Variants in PTPRN2 observed in about 807,000 individuals in gnomAD.
The protein encoded by PTPRN2 is receptor-type tyrosine-protein phosphatase N2.
PTPRN2 carries 74 observed loss-of-function variants against 118.8 expected under a neutral mutation model. The ratio of observed to expected loss-of-function variants is 0.62; its 90% CI spans 0.52 to 0.76. The LOEUF is 0.76. Ranked by LOEUF, PTPRN2 falls within the 30% of genes least tolerant of loss-of-function variation. The probability of loss-of-function intolerance (pLI) is 0.00; values close to 1 mark genes in which losing one functional copy is unlikely to be tolerated. For missense variants in PTPRN2, 1,481 were observed against 1,394.4 expected (o/e 1.06, Z -0.99); for synonymous variants, 641 against 608.0 (o/e 1.05, Z -0.80).
chr7:158,341,946 G>A (rs1162737848), intron 2 of PTPRN2, among the ~76,000 whole-genome samples: 2 of 82,690 alleles, frequency 2.4e-5, no homozygotes, highest in Admixed American at 1.3e-4. Context: ...CTCACCATAA[G>A]AGCTGTCGCC....
At chr7:157,798,030 G>A (rs1261554986) in intron 12 of PTPRN2, among the ~76,000 whole-genome samples, 1 of 152,124 alleles carries the variant, frequency 6.6e-6, no homozygotes, top group Non-Finnish European at 1.5e-5. Context: ...AGGCTGAGGC[G>A]GGTGGATCAC....
chr7:158,475,276 G>A lies in PTPRN2; in HGVS notation c.163+14459C>T, dbSNP rs547679564. ...CTCCCCGGCTTCCCCTGTCTAGGGA[G>A]GCCCCGAAGGGCCCTGAGGACTCCC... On this transcript the variant is annotated intron_variant, in intron 2 of 22. Coordinates refer to ENST00000389418, the MANE Select transcript of PTPRN2 (RefSeq NM_002847.5). Among the ~76,000 whole-genome samples the A allele has an allele frequency of 2.1e-5, 3 of 141,406 alleles. No individual in the cohort carries two copies. The South Asian group carries it at 6.9e-4, about 32-fold the overall frequency. The allele number at this position is 141,406 out of a possible 152,430, so 92.8% of individuals were successfully genotyped here. A position where few individuals can be genotyped will look rare whatever the true frequency, so the allele number is the denominator to read the frequency against.
intron 12 of PTPRN2, among the ~76,000 whole-genome samples, chr7:157,812,318 C>T (rs1020399669): frequency 1.3e-5 from 2 of 152,154 alleles, no homozygotes; most frequent in African/African-American, 2.4e-5. Flanking sequence ...GTTCCGCTGC[C>T]CTTCCTGGGG....
At chr7:158,316,477 T>C (rs1430372949) in intron 3 of PTPRN2, among the ~76,000 whole-genome samples, 1 of 152,184 alleles carries the variant, frequency 6.6e-6, no homozygotes, top group African/African-American at 2.4e-5. Context: ...CAGAGGCTGA[T>C]TCTCTCCAGG....
At chr7:158,471,440 A>C (rs1468564962) in intron 2 of PTPRN2, among the ~76,000 whole-genome samples, 3 of 152,232 alleles carry the variant, frequency 2.0e-5, no homozygotes, top group African/African-American at 7.2e-5. Context: ...CTGTAATCCC[A>C]GCACTTTGGG....
At chr7:157,781,852 C>G (rs901604506) in intron 12 of PTPRN2, among the ~76,000 whole-genome samples, 7 of 152,258 alleles carry the variant, frequency 4.6e-5, no homozygotes, top group Non-Finnish European at 8.8e-5. Flanking sequence ...TGTGGCAAAC[C>G]ACACCCCACT....
At position 157,583,547 on chromosome 7, in the gene PTPRN2, C is replaced by T. The variant is rs900878742; in HGVS notation, c.2497-5407G>A. ...CTGTGGTCATCATTCACGATGTCTG[C>T]GTGTGTCAGAACATCAGGCTGTACA... On this transcript the variant is annotated intron_variant, in intron 17 of 22. Coordinates refer to ENST00000389418, the MANE Select transcript of PTPRN2 (RefSeq NM_002847.5). This position sits in a 1 kb window ranked among gnomAD's most constrained non-coding sequence, Gnocchi z 5.5. 2.6e-5 allele frequency among the ~76,000 whole-genome samples: 4 copies of T among 152,044 alleles called. No homozygotes were observed. Among genetic ancestry groups the T allele is most frequent in the Non-Finnish European group, 5.9e-5 (4 of 68,004 alleles).
chr7:157,887,009 C>G (rs78234584), intron 12 of PTPRN2, among the ~76,000 whole-genome samples: 2 of 127,942 alleles, frequency 1.6e-5, no homozygotes, highest in South Asian at 2.7e-4. Flanking sequence ...CCTTGTCACA[C>G]AGCCAAGCCC....
At chr7:158,424,902 G>A (rs539019487) in intron 2 of PTPRN2, among the ~76,000 whole-genome samples, 19 of 152,184 alleles carry the variant, frequency 1.2e-4, no homozygotes, top group African/African-American at 3.6e-4. Flanking sequence ...AAGAAGGTCC[G>A]GGGATCTCGG....
chr7:157,879,762 C>A (rs1796010604), intron 12 of PTPRN2, among the ~76,000 whole-genome samples: 1 of 150,128 alleles, frequency 6.7e-6, no homozygotes, highest in East Asian at 2.0e-4. Flanking sequence ...GTGAGCCCGG[C>A]TTACTCGTGG....
At chr7:157,637,351 A>C (rs1243660406) in intron 14 of PTPRN2, among the ~76,000 whole-genome samples, 1 of 152,216 alleles carries the variant, frequency 6.6e-6, no homozygotes, top group Non-Finnish European at 1.5e-5. Context: ...CTAGGAGAAG[A>C]GCAGAATCTC....
chr7:158,520,088 C>A (rs886367287), intron 1 of PTPRN2, among the ~76,000 whole-genome samples: 2 of 152,212 alleles, frequency 1.3e-5, no homozygotes, highest in African/African-American at 4.8e-5. Flanking sequence ...TCAAACTTGT[C>A]ATTTCTTTTA....
At chr7:157,960,284 T>C (rs951535196) in intron 11 of PTPRN2, among the ~76,000 whole-genome samples, 3 of 152,226 alleles carry the variant, frequency 2.0e-5, no homozygotes, top group Non-Finnish European at 2.9e-5. Flanking sequence ...GTGAATGTAC[T>C]TAATGCCACT....
intron 11 of PTPRN2, among the ~76,000 whole-genome samples, chr7:158,062,732 G>T (rs779912427): frequency 1.4e-4 from 22 of 152,214 alleles, no homozygotes; most frequent in Non-Finnish European, 7.3e-5. Flanking sequence ...AGCTGCGGAG[G>T]GTGTGCCGGT....
At chr7:158,476,284 G>A (rs1049751205) in intron 2 of PTPRN2, among the ~76,000 whole-genome samples, 3 of 152,232 alleles carry the variant, frequency 2.0e-5, no homozygotes, top group East Asian at 1.9e-4. Flanking sequence ...GATTACAGGC[G>A]TGAGCCACTG....
At chr7:158,034,880 G>A (rs1445877408) in intron 11 of PTPRN2, among the ~76,000 whole-genome samples, 1 of 152,242 alleles carries the variant, frequency 6.6e-6, no homozygotes, top group Non-Finnish European at 1.5e-5. Context: ...ATTCGGAGAA[G>A]CAGACTCTAC....
chr7:158,313,386 A>G (rs1277384559), intron 3 of PTPRN2, among the ~76,000 whole-genome samples: 2 of 152,190 alleles, frequency 1.3e-5, no homozygotes, highest in Non-Finnish European at 1.5e-5. Context: ...AATGCAGAAG[A>G]TGACTTTTCA....
At chr7:158,330,768 A>T (rs1341106522) in intron 2 of PTPRN2, among the ~76,000 whole-genome samples, 20 of 100,284 alleles carry the variant, frequency 2.0e-4, no homozygotes, top group South Asian at 7.7e-4. Context: ...ATAAGAGCTG[A>T]CACCCGCAGA....
At chr7:157,959,191 TAACTTACATCATATACAA>T (rs1360746876) in intron 11 of PTPRN2, among the ~76,000 whole-genome samples, 1 of 152,250 alleles carries the variant, frequency 6.6e-6, no homozygotes, top group Non-Finnish European at 1.5e-5. Context: ...GCTGGACCTG[TAACTTACATCATATACAA>T]AACTTAAAAC....
Sources: allele counts gnomAD v4.1 joint callset (sites outside exome capture counted in the v4.1 genomes callset), GRCh38; gene constraint gnomAD v4.1.1; non-coding constraint Gnocchi (gnomAD v3.1); transcripts MANE v1.5; gene names NCBI Gene and HGNC (gene_info 2026-07-23, HGNC 2026-07-21).